The following KCNIP3 variants were observed in gnomAD, a reference collection of about 807,000 sequenced individuals.
The protein encoded by KCNIP3 is calsenilin.
KCNIP3 carries 28 observed loss-of-function variants against 35.0 expected under a neutral mutation model. The observed-to-expected ratio is 0.80, with a 90% CI of 0.59 to 1.10. The LOEUF (loss-of-function observed/expected upper bound fraction) is 1.10. KCNIP3 is among the 50% of genes least tolerant of loss of function. The probability of loss-of-function intolerance (pLI) is 0.00; values close to 1 mark genes in which losing one functional copy is unlikely to be tolerated. For missense variants in KCNIP3, 295 were observed against 338.4 expected (o/e 0.87, Z 1.01); for synonymous variants, 134 against 133.8 (o/e 1.00, Z -0.01).
In KCNIP3 at chr2:95,369,988, T is replaced by C. The variant is rs1385693807; in HGVS notation, c.182-4308T>C. 2.0e-5 allele frequency among the ~76,000 whole-genome samples: 3 copies of C among 152,222 alleles called. 1 individual carries two copies. In the South Asian group the frequency reaches 6.2e-4, roughly 32 times the overall value. ...TTAGAAGTTCCATTTTGTTCTTTTA[T>C]TATAGTTTTTAATTTTTCTATTAAG... On this transcript the variant is annotated intron_variant, in intron 2 of 8. Transcript: ENST00000295225.
intron 2 of KCNIP3, among the ~76,000 whole-genome samples, chr2:95,321,944 A>C (rs1325437335): frequency 7.2e-5 from 11 of 151,976 alleles, no homozygotes; most frequent in Non-Finnish European, 1.0e-4. Flanking sequence ...AAGGCCACTC[A>C]ATTCTCCTCA....
At chr2:95,362,513 A>AC (rs1408719650) in intron 2 of KCNIP3, among the ~76,000 whole-genome samples, 1 of 152,220 alleles carries the variant, frequency 6.6e-6, no homozygotes, top group Non-Finnish European at 1.5e-5. Flanking sequence ...AAATACAGTC[A>AC]CACTGGGGGT....
At chr2:95,380,430 C>T (rs1180097774) in intron 5 of KCNIP3, among the ~76,000 whole-genome samples, 1 of 152,192 alleles carries the variant, frequency 6.6e-6, no homozygotes, top group African/African-American at 2.4e-5. Flanking sequence ...TGGTGCATGG[C>T]CCTGTCCCTT....
At chr2:95,315,804 G>A (rs2104218394) in intron 2 of KCNIP3, among the ~76,000 whole-genome samples, 1 of 152,268 alleles carries the variant, frequency 6.6e-6, no homozygotes, top group South Asian at 2.1e-4. Context: ...AAGCGGCAAT[G>A]CAGCAGGTAC....
chr2:95,353,965 G>A (rs908919868), intron 2 of KCNIP3, among the ~76,000 whole-genome samples: 9 of 152,200 alleles, frequency 5.9e-5, no homozygotes, highest in African/African-American at 2.2e-4. Context: ...TGCACAGGAC[G>A]GCCCCAGCAC....
chr2:95,358,759 T>C (rs2104282876), intron 2 of KCNIP3, among the ~76,000 whole-genome samples: 1 of 152,320 alleles, frequency 6.6e-6, no homozygotes, highest in East Asian at 1.9e-4. Context: ...ACTACTCTCA[T>C]GGTAACAAAC....
At chr2:95,345,885 G>T (rs1411155797) in intron 2 of KCNIP3, among the ~76,000 whole-genome samples, 1 of 152,228 alleles carries the variant, frequency 6.6e-6, no homozygotes, top group African/African-American at 2.4e-5. Context: ...GCATGCCCTT[G>T]CCCTGCCCGT....
intron 2 of KCNIP3, among the ~76,000 whole-genome samples, chr2:95,344,394 C>T (rs1025234911): frequency 2.6e-5 from 4 of 152,230 alleles, no homozygotes; most frequent in African/African-American, 7.2e-5. Context: ...GTGAGTGAGC[C>T]TGGGAGTCAG....
intron 1 of KCNIP3, among the ~76,000 whole-genome samples, chr2:95,308,624 G>A (rs1198945943): frequency 6.6e-6 from 1 of 152,208 alleles, no homozygotes; most frequent in Non-Finnish European, 1.5e-5. Context: ...AGCCTTTGCA[G>A]CAGCAGCAGA....
At chr2:95,340,111 G>A (rs1280868835) in intron 2 of KCNIP3, among the ~76,000 whole-genome samples, 2 of 152,236 alleles carry the variant, frequency 1.3e-5, no homozygotes, top group African/African-American at 4.8e-5. Flanking sequence ...GCTGAGGCAG[G>A]TGGATCACCT....
chr2:95,339,814 T>A lies in KCNIP3; in HGVS notation c.181+29294T>A, dbSNP rs1159752193. On this transcript the variant is annotated intron_variant, in intron 2 of 8. Coordinates refer to ENST00000295225, the MANE Select transcript of KCNIP3 (RefSeq NM_013434.5). The stretch of plus-strand genomic sequence containing the variant: ...TGATCTCATCTCTTTCCTTAAGGCA[T>A]AAAAAAAGTATATTTCTTTCTCCCT... Among the ~76,000 whole-genome samples, 4 of 152,110 alleles carry A rather than the reference T, an allele frequency of 2.6e-5. No individual in the cohort carries two copies. The East Asian group carries it at 7.7e-4, about 29-fold the overall frequency.
chr2:95,320,539 C>T (rs1443961580), intron 2 of KCNIP3, among the ~76,000 whole-genome samples: 1 of 152,090 alleles, frequency 6.6e-6, no homozygotes, highest in Non-Finnish European at 1.5e-5. Context: ...GCTGAGCCTG[C>T]CCCTCTCCCG....
At chr2:95,310,108 T>G (rs1296967766) in intron 1 of KCNIP3, 3 of 640,118 alleles carry the variant, frequency 4.7e-6, no homozygotes, top group Non-Finnish European at 8.7e-6. Flanking sequence ...ATCCCCTCTC[T>G]GCACCCCTGT....
chr2:95,328,283 A>G (rs1413628263), intron 2 of KCNIP3, among the ~76,000 whole-genome samples: 2 of 151,970 alleles, frequency 1.3e-5, no homozygotes, highest in Non-Finnish European at 2.9e-5. Flanking sequence ...CCAATGAGGA[A>G]ACTGAGGACT....
intron 2 of KCNIP3, among the ~76,000 whole-genome samples, chr2:95,371,666 ATTTT>A (rs1680045385): frequency 6.6e-6 from 1 of 151,942 alleles, no homozygotes; most frequent in African/African-American, 2.4e-5. Context: ...TTAGTTCTGA[ATTTT>A]TTGTTTTAGG....
intron 2 of KCNIP3, chr2:95,354,923 C>T (rs1679617996): frequency 6.6e-6 from 1 of 152,394 alleles, no homozygotes; most frequent in South Asian, 2.1e-4. Flanking sequence ...TTGTGCAGCT[C>T]CTTGAGCAGG....
chr2:95,337,013 G>A (rs1390018361), intron 2 of KCNIP3, among the ~76,000 whole-genome samples: 1 of 152,062 alleles, frequency 6.6e-6, no homozygotes, highest in Non-Finnish European at 1.5e-5. Flanking sequence ...ATTAGCCAAG[G>A]CCCCAAAGGA....
chr2:95,300,545 C>T (rs1357727469), intron 1 of KCNIP3, among the ~76,000 whole-genome samples: 1 of 152,218 alleles, frequency 6.6e-6, no homozygotes, highest in Non-Finnish European at 1.5e-5. Flanking sequence ...TGGCCTAGTG[C>T]CCAGACCTGG....
intron 5 of KCNIP3, among the ~76,000 whole-genome samples, chr2:95,379,739 T>C (rs1378570304): frequency 1.3e-5 from 2 of 152,212 alleles, no homozygotes; most frequent in African/African-American, 4.8e-5. Flanking sequence ...TCCCTGGGCC[T>C]CCTGCCTCAG....
Sources: allele counts gnomAD v4.1 joint callset (sites outside exome capture counted in the v4.1 genomes callset), GRCh38; gene constraint gnomAD v4.1.1; transcripts MANE v1.5; gene names NCBI Gene and HGNC (gene_info 2026-07-23, HGNC 2026-07-21).